Variants in SNTG1 observed in about 807,000 individuals in gnomAD.
SNTG1 encodes the protein syntrophin gamma 1, also known as gamma-1-syntrophin.
A neutral mutation model predicts 74.7 loss-of-function variants in SNTG1; 39 were observed. The ratio of observed to expected loss-of-function variants is 0.52; its 90% CI spans 0.40 to 0.68. The LOEUF (loss-of-function observed/expected upper bound fraction) is 0.68. Among genes scored for constraint, SNTG1 ranks in the 30% least tolerant of loss-of-function variants. The probability of loss-of-function intolerance (pLI) is 0.00; values close to 1 mark genes in which losing one functional copy is unlikely to be tolerated. For synonymous variants in SNTG1, 254 were observed against 217.1 expected, an observed-to-expected ratio of 1.17 and a Z score of -1.49; for missense variants, 685 against 609.5, an observed-to-expected ratio of 1.12 and a Z score of -1.30.
chr8:50,744,185 C>T (rs1231770399), intron 17 of SNTG1, among the ~76,000 whole-genome samples: 1 of 151,952 alleles, frequency 6.6e-6, no homozygotes, highest in African/African-American at 2.4e-5. Context: ...AATATCCAAA[C>T]TAAATAACCA....
At chr8:50,420,370 A>G (rs1417136276) in intron 4 of SNTG1, among the ~76,000 whole-genome samples, 1 of 152,150 alleles carries the variant, frequency 6.6e-6, no homozygotes, top group African/African-American at 2.4e-5. Context: ...AAGTGAAACA[A>G]TAGTTTTAAT....
chr8:50,579,931 C>T lies in SNTG1; in HGVS notation c.811-10948C>T, dbSNP rs567271578. Among the ~76,000 whole-genome samples, 6 of 152,290 alleles carry T rather than the reference C, an allele frequency of 3.9e-5. No individual in the cohort carries two copies. The East Asian group carries it at 1.2e-3, about 29-fold the overall frequency. ...CTGCCCAGTGGAGCTGTGAGAAGGC[C>T]ACCATTCTCCACACCCCATAATGGT... On this transcript the variant is annotated intron_variant, in intron 12 of 18. Coordinates refer to ENST00000642720, the MANE Select transcript of SNTG1 (RefSeq NM_018967.5).
chr8:50,151,099 G>C (rs1357988340), intron 1 of SNTG1, among the ~76,000 whole-genome samples: 1 of 152,110 alleles, frequency 6.6e-6, no homozygotes, highest in Non-Finnish European at 1.5e-5. Flanking sequence ...GCCTGTTATT[G>C]GTCTATTCAG....
chr8:50,351,714 C>T (rs918237667), intron 2 of SNTG1, among the ~76,000 whole-genome samples: 2 of 152,164 alleles, frequency 1.3e-5, no homozygotes, highest in Non-Finnish European at 2.9e-5. Context: ...GAGCAGAGAA[C>T]AGCTGAAAGT....
In SNTG1 at chr8:49,955,396, T is replaced by A. The variant is rs74699591; in HGVS notation, c.-103+43165T>A. On this transcript the variant is annotated intron_variant, in intron 1 of 18. Coordinates refer to ENST00000642720, the MANE Select transcript of SNTG1 (RefSeq NM_018967.5). ...TTCATAAGGAGCTCAGCACGCACAT[T>A]GCCCTGGCACCTCAGGTGAGGCAGA... 4.9e-4 allele frequency among the ~76,000 whole-genome samples: 74 copies of A among 152,306 alleles called. 1 individual carries two copies. In the East Asian group the frequency reaches 0.014, roughly 29 times the overall value.
intron 1 of SNTG1, among the ~76,000 whole-genome samples, chr8:50,076,483 A>T (rs1821904280): frequency 6.6e-6 from 1 of 152,214 alleles, no homozygotes; most frequent in African/African-American, 2.4e-5. Flanking sequence ...ACTATAAAAT[A>T]TGACCACAAA....
At chr8:50,653,069 T>G (rs557121191) in intron 13 of SNTG1, among the ~76,000 whole-genome samples, 130 of 152,116 alleles carry the variant, frequency 8.5e-4, no homozygotes, top group South Asian at 2.3e-3. Context: ...AGATAAACCT[T>G]ACAGAGACAG....
chr8:50,370,480 A>G (rs965948249), intron 2 of SNTG1, among the ~76,000 whole-genome samples: 4 of 152,146 alleles, frequency 2.6e-5, no homozygotes, highest in African/African-American at 7.2e-5. Flanking sequence ...TTGCCAGTAG[A>G]GGAGGCTTCT....
chr8:50,514,176 T>G (rs913004137), intron 9 of SNTG1, among the ~76,000 whole-genome samples: 3 of 152,330 alleles, frequency 2.0e-5, no homozygotes, highest in South Asian at 4.1e-4. Flanking sequence ...CTTAGTTGAT[T>G]TTCTATACTG....
rs1454005597 is a variant in SNTG1, at chr8:50,484,090, CTCTT to C, written c.364-18680_364-18677del. On this transcript the variant is annotated intron_variant, in intron 8 of 18. Transcript: ENST00000642720. The stretch of plus-strand genomic sequence containing the variant: ...TTCTTTCTTTTCTCTTTTTCTTTCT[CTCTT>C]TCTTTCTCTCTTTCTTTCTTTCTTT... 1.6e-3 allele frequency among the ~76,000 whole-genome samples: 219 copies of C among 138,596 alleles called. 1 individual carries two copies. The highest frequency in any genetic ancestry group is 5.4e-3 in the African/African-American group (203 of 37,466). 90.9% of individuals were successfully genotyped at this position (138,596 alleles called of 152,430 possible).
At chr8:50,760,368 A>G (rs1025000317) in intron 18 of SNTG1, among the ~76,000 whole-genome samples, 1 of 152,078 alleles carries the variant, frequency 6.6e-6, no homozygotes, top group African/African-American at 2.4e-5. Context: ...AGAACTTCCA[A>G]TACTGTGTTG....
chr8:50,703,732 G>A (rs1563764025), intron 15 of SNTG1, among the ~76,000 whole-genome samples: 1 of 152,112 alleles, frequency 6.6e-6, no homozygotes, highest in East Asian at 1.9e-4. Context: ...GTTTACACCA[G>A]CATGACCACA....
chr8:50,029,427 A>G (rs982173044), intron 1 of SNTG1, among the ~76,000 whole-genome samples: 1 of 152,076 alleles, frequency 6.6e-6, no homozygotes, highest in Non-Finnish European at 1.5e-5. Context: ...GTGCTATTAG[A>G]TACTAGATCT....
chr8:50,410,008 C>T (rs964847164), intron 4 of SNTG1, among the ~76,000 whole-genome samples: 1 of 152,186 alleles, frequency 6.6e-6, no homozygotes, highest in Non-Finnish European at 1.5e-5. Context: ...TTCCAGTTTC[C>T]TTGTGGAATA....
In SNTG1 at chr8:50,792,977, C is replaced by T. The variant is rs1487105065; in HGVS notation, c.*148C>T. ...GGCAGAAAAAGAAGGTCATGTGGAA[C>T]CTCAAAAACACTTCTATTCTGGATG... is the stretch of plus-strand genomic sequence containing the variant. On this transcript the variant is annotated 3_prime_UTR_variant, in exon 19 of 19. Coordinates refer to ENST00000642720, the MANE Select transcript of SNTG1 (RefSeq NM_018967.5). The T allele has an allele frequency of 4.1e-6, 3 of 726,936 alleles. No individual in the cohort carries two copies. Among genetic ancestry groups the T allele is most frequent in the African/African-American group, 1.8e-5 (1 of 55,536 alleles). 45.0% of individuals were successfully genotyped at this position (726,936 alleles called of 1,614,324 possible). A position where few individuals can be genotyped will look rare whatever the true frequency, so the allele number is the denominator to read the frequency against.
chr8:50,450,312 C>T (rs965441486), intron 6 of SNTG1, among the ~76,000 whole-genome samples: 4 of 152,118 alleles, frequency 2.6e-5, no homozygotes, highest in Admixed American at 6.6e-5. Flanking sequence ...AAGAGTGGCT[C>T]ATTTTTAGCA....
At chr8:50,449,608 T>C (rs2093436901) in intron 5 of SNTG1, 60 bp from the exon 6 acceptor site, 2 of 1,364,328 alleles carry the variant, frequency 1.5e-6, no homozygotes, top group Non-Finnish European at 9.9e-7. Context: ...TATGGTTTCT[T>C]AGCTAAAAGC....
chr8:50,668,495 C>CATAATT (rs990415330), intron 15 of SNTG1, among the ~76,000 whole-genome samples: 2 of 145,304 alleles, frequency 1.4e-5, no homozygotes, highest in African/African-American at 5.1e-5. Context: ...ATCTTTCGCA[C>CATAATT]ATTATTATTA....
chr8:50,046,640 C>T (rs550669624), intron 1 of SNTG1, among the ~76,000 whole-genome samples: 2 of 152,096 alleles, frequency 1.3e-5, no homozygotes, highest in African/African-American at 4.8e-5. Flanking sequence ...ATTAAATGAA[C>T]CTAAAACAAA....
Sources: allele counts gnomAD v4.1 joint callset (sites outside exome capture counted in the v4.1 genomes callset), GRCh38; gene constraint gnomAD v4.1.1; transcripts MANE v1.5; gene names NCBI Gene and HGNC (gene_info 2026-07-23, HGNC 2026-07-21).